The following NT5C2 variants were observed in gnomAD, a reference collection of about 807,000 sequenced individuals.
NT5C2 encodes cytosolic purine 5'-nucleotidase.
Under a neutral mutation model 76.1 loss-of-function variants are expected in NT5C2, and 58 were observed. That is an observed-to-expected ratio of 0.76 (90% CI 0.62 to 0.95). The LOEUF is 0.95. NT5C2 is among the 40% of genes least tolerant of loss of function. NT5C2 has a pLI of 0.00. For missense variants in NT5C2, 478 were observed against 690.3 expected, an observed-to-expected ratio of 0.69 and a Z score of 3.45; for synonymous variants, 229 against 237.4, an observed-to-expected ratio of 0.96 and a Z score of 0.32.
intron 1 of NT5C2, among the ~76,000 whole-genome samples, chr10:103,189,830 A>C (rs2093674381): frequency 6.7e-6 from 1 of 149,386 alleles, no homozygotes; most frequent in Non-Finnish European, 1.5e-5. Flanking sequence ...CATCACGCCC[A>C]GCTAATTTTT....
At chr10:103,152,608 C>T (rs934651238) in intron 3 of NT5C2, among the ~76,000 whole-genome samples, 1 of 151,984 alleles carries the variant, frequency 6.6e-6, no homozygotes, top group Non-Finnish European at 1.5e-5. Context: ...GATTTATGTC[C>T]TATTTTATTA....
chr10:103,140,940 T>C (rs1168316261), intron 3 of NT5C2, among the ~76,000 whole-genome samples: 2 of 152,198 alleles, frequency 1.3e-5, no homozygotes, highest in East Asian at 1.9e-4. Flanking sequence ...AACAGATACA[T>C]GGTTCGCAAA....
chr10:103,107,361 A>G (rs2071560363), intron 4 of NT5C2, among the ~76,000 whole-genome samples: 1 of 152,180 alleles, frequency 6.6e-6, no homozygotes, highest in Non-Finnish European at 1.5e-5. Flanking sequence ...AGGGAAATCT[A>G]AATATGAAAT....
chr10:103,192,629 T>C (rs946291166), intron 1 of NT5C2, among the ~76,000 whole-genome samples: 4 of 152,098 alleles, frequency 2.6e-5, no homozygotes, highest in Non-Finnish European at 4.4e-5. Context: ...CCAGGAAGTG[T>C]TGCACACGGG....
At chr10:103,187,476 C>T (rs992018516) in intron 1 of NT5C2, among the ~76,000 whole-genome samples, 5 of 150,086 alleles carry the variant, frequency 3.3e-5, no homozygotes, top group African/African-American at 9.8e-5. Flanking sequence ...TGCTTGAACC[C>T]GGGAGGCAGA....
At chr10:103,165,394 G>A (rs891847680) in intron 3 of NT5C2, among the ~76,000 whole-genome samples, 4 of 152,144 alleles carry the variant, frequency 2.6e-5, no homozygotes, top group African/African-American at 9.6e-5. Context: ...TCGGGAAGCT[G>A]AGGCAGGAGA....
intron 4 of NT5C2, among the ~76,000 whole-genome samples, chr10:103,134,981 G>A (rs925932144): frequency 2.0e-5 from 3 of 152,230 alleles, no homozygotes; most frequent in South Asian, 4.1e-4. Context: ...ATTTGGAATG[G>A]CTGTATTTAC....
At position 103,106,721 on chromosome 10, in the gene NT5C2, G is replaced by A. The variant is rs1207341854; in HGVS notation, c.176-15C>T. 1 of 1,446,320 alleles carries A rather than the reference G, an allele frequency of 6.9e-7. No individual in the cohort carries two copies. The highest frequency in any genetic ancestry group is 9.7e-7 in the Non-Finnish European group (1 of 1,031,138). The allele number at this position is 1,446,320 out of a possible 1,614,324, so 89.6% of individuals were successfully genotyped here. Reference sequence around the variant, plus strand: ...GGACTTGTACACTGCACAAAGAGGAGGTTTTCATTAGTTAGCAGAAAGAAC... The same window carrying A: ...GGACTTGTACACTGCACAAAGAGGAAGTTTTCATTAGTTAGCAGAAAGAAC... On this transcript the variant is annotated splice_polypyrimidine_tract_variant and intron_variant, in intron 4 of 18. Coordinates refer to ENST00000404739, the MANE Select transcript of NT5C2 (RefSeq NM_001351169.2).
intron 1 of NT5C2, among the ~76,000 whole-genome samples, chr10:103,183,417 T>G (rs541463573): frequency 8.1e-4 from 120 of 148,324 alleles, no homozygotes; most frequent in African/African-American, 2.6e-3. Context: ...CTAATGAATT[T>G]TGAAAAATTC....
chr10:103,135,965 T>C (rs2079126840), intron 4 of NT5C2, among the ~76,000 whole-genome samples: 1 of 151,902 alleles, frequency 6.6e-6, no homozygotes, highest in African/African-American at 2.4e-5. Flanking sequence ...TGGGCACCTG[T>C]AATCCCAGCT....
At chr10:103,122,612 C>G (rs1428615234) in intron 4 of NT5C2, among the ~76,000 whole-genome samples, 1 of 152,154 alleles carries the variant, frequency 6.6e-6, no homozygotes, top group Non-Finnish European at 1.5e-5. Context: ...GAGAAAACAG[C>G]AGAAGCAGGA....
In NT5C2 at chr10:103,101,223, G is replaced by T; in HGVS notation, c.481+12C>A. On this transcript the variant is annotated intron_variant, in intron 7 of 18. Coordinates refer to ENST00000404739, the MANE Select transcript of NT5C2 (RefSeq NM_001351169.2). ...GAAAGCATCAGTATAAATAAGCATA[G>T]AATGAATCTACCTGGTAGGTTGAAT... 6.5e-7 allele frequency: 1 copy of T among 1,531,218 alleles called. No homozygotes were observed. The highest frequency in any genetic ancestry group is 9.0e-7 in the Non-Finnish European group (1 of 1,105,142). 94.9% of individuals were successfully genotyped at this position (1,531,218 alleles called of 1,614,324 possible).
In NT5C2 at chr10:103,147,679, A is replaced by G. The variant is rs540795178; in HGVS notation, c.102-8200T>C. ...GTTCTCTTATTCTTTATTGGATTAT[A>G]AACTTTGAGACCAGGATTTATAATC... On this transcript the variant is annotated intron_variant, in intron 3 of 18. Coordinates refer to ENST00000404739, the MANE Select transcript of NT5C2 (RefSeq NM_001351169.2). Among the ~76,000 whole-genome samples, 5 of 152,344 alleles carry G rather than the reference A, an allele frequency of 3.3e-5. No individual in the cohort carries two copies. The East Asian group carries it at 9.6e-4, about 29-fold the overall frequency.
Position 103,097,384 on chromosome 10 carries a change from A to G in NT5C2, c.688-10T>C, listed in dbSNP as rs747298907. ...GCAAAGGCAGTTTTCCCTGAAATGT[A>G]ATTGGATAATGAGTGAAACACGAAA... On this transcript the variant is annotated splice_polypyrimidine_tract_variant and intron_variant, in intron 10 of 18. Coordinates refer to ENST00000404739, the MANE Select transcript of NT5C2 (RefSeq NM_001351169.2). The G allele has an allele frequency of 1.2e-6, 2 of 1,605,328 alleles. No homozygotes were observed. Among genetic ancestry groups the G allele is most frequent in the Non-Finnish European group, 1.7e-6 (2 of 1,172,542 alleles).
intron 3 of NT5C2, among the ~76,000 whole-genome samples, chr10:103,148,731 C>T (rs756040013): frequency 6.6e-6 from 1 of 152,034 alleles, no homozygotes; most frequent in Non-Finnish European, 1.5e-5. Flanking sequence ...AATTATAATA[C>T]TCATTTTACT....
chr10:103,090,466 CCTT>C, intron 18 of NT5C2, 142 bp downstream of exon 18: 1 of 639,398 alleles, frequency 1.6e-6, no homozygotes, highest in South Asian at 2.3e-5. Context: ...CTCAAAGACC[CCTT>C]CTTATGCAAC....
chr10:103,095,504 T>G, intron 12 of NT5C2, among the ~76,000 whole-genome samples: 1 of 152,176 alleles, frequency 6.6e-6, no homozygotes. Flanking sequence ...CAAGGCTGAG[T>G]GCTCTCTTGG....
chr10:103,129,379 C>T (rs1380971355), intron 4 of NT5C2, among the ~76,000 whole-genome samples: 1 of 117,468 alleles, frequency 8.5e-6, no homozygotes. Flanking sequence ...GGCCAGCCGC[C>T]CCGTCTGGGA....
At chr10:103,117,904 A>G (rs773295763) in intron 4 of NT5C2, among the ~76,000 whole-genome samples, 1 of 149,046 alleles carries the variant, frequency 6.7e-6, no homozygotes, top group Non-Finnish European at 1.5e-5. Context: ...GCTGGGTTTA[A>G]AAAAAAAAAG....
Sources: gnomAD v4.1 joint callset for allele counts (sites outside exome capture counted in the v4.1 genomes callset) on GRCh38, gnomAD v4.1.1 for gene constraint, MANE v1.5 for transcripts, NCBI Gene and HGNC (gene_info 2026-07-23, HGNC 2026-07-21) for gene names.